Variants in UBR2 observed in about 807,000 individuals in gnomAD.
The protein encoded by UBR2 is ubiquitin protein ligase E3 component n-recognin 2.
Under a neutral mutation model 247.9 loss-of-function variants are expected in UBR2, and 92 were observed. That is an observed-to-expected ratio of 0.37 (90% CI 0.31 to 0.44). The LOEUF (loss-of-function observed/expected upper bound fraction) is 0.44, where lower values mean the gene tolerates loss of function less well. Ranked by LOEUF, UBR2 falls within the 20% of genes least tolerant of loss-of-function variation. The pLI is 1.00. For missense variants in UBR2, 1,613 were observed against 2,112.6 expected (o/e 0.76, Z 4.64); for synonymous variants, 672 against 693.5 (o/e 0.97, Z 0.49).
chr6:42,645,566 A>G lies in UBR2; in HGVS notation c.2385A>G (p.Glu795=), dbSNP rs1260323927. ...GTATCAAGCCTATGGCTCATAGTGAATTGGTAAAGTCTTTACCTGAAGATG... is the reference window on the plus strand; with the variant it reads ...GTATCAAGCCTATGGCTCATAGTGAGTTGGTAAAGTCTTTACCTGAAGATG... The part of the protein sequence containing the change: ...QLSIKPMAHS[E]LVKSLPEDEN... Residue 795 remains glutamate (E), a synonymous_variant, in exon 21 of 47, where the codon GAA becomes GAG. Transcript: ENST00000372901. 1.9e-6 allele frequency: 3 copies of G among 1,613,412 alleles called. No individual in the cohort carries two copies. The highest frequency in any genetic ancestry group is 1.7e-6 in the Non-Finnish European group (2 of 1,179,826).
At chr6:42,650,870 C>T (rs1797071292) in intron 23 of UBR2, among the ~76,000 whole-genome samples, 1 of 152,024 alleles carries the variant, frequency 6.6e-6, no homozygotes, top group Admixed American at 6.6e-5. Flanking sequence ...ATGCACATTT[C>T]AGAATTGGTA....
chr6:42,582,295 A>C (rs1333473479), intron 2 of UBR2, among the ~76,000 whole-genome samples: 3 of 151,836 alleles, frequency 2.0e-5, no homozygotes, highest in Non-Finnish European at 2.9e-5. Context: ...AAAAAAAAAA[A>C]AAAAAAAACA....
intron 4 of UBR2, among the ~76,000 whole-genome samples, chr6:42,601,888 T>TAGAGA (rs1562298369): frequency 1.4e-4 from 13 of 93,226 alleles, no homozygotes; most frequent in South Asian, 1.1e-3. Context: ...TTTTTTTTTT[T>TAGAGA]TGATGGAGTT....
At chr6:42,604,656 CATCAAAGTGAACTT>C (rs1562300992) in intron 5 of UBR2, among the ~76,000 whole-genome samples, 1 of 152,146 alleles carries the variant, frequency 6.6e-6, no homozygotes, top group Non-Finnish European at 1.5e-5. Flanking sequence ...CTCTACACTG[CATCAAAGTGAACTT>C]TAAGGCAAAT....
intron 11 of UBR2, among the ~76,000 whole-genome samples, chr6:42,629,952 A>G (rs1241548336): frequency 6.6e-6 from 1 of 151,974 alleles, no homozygotes; most frequent in African/African-American, 2.4e-5. Context: ...TTTACGAGTC[A>G]AGGCCTTGCT....
At chr6:42,648,604 A>G (rs527366710) in intron 22 of UBR2, among the ~76,000 whole-genome samples, 1 of 152,320 alleles carries the variant, frequency 6.6e-6, no homozygotes, top group East Asian at 1.9e-4. Context: ...TAAAGATATT[A>G]AAGCAGTTTC....
Position 42,573,812 on chromosome 6 carries a change from G to C in UBR2, c.157G>C (p.Gly53Arg). The C allele has an allele frequency of 6.2e-7, 1 of 1,613,350 alleles. No individual in the cohort carries two copies. Among genetic ancestry groups the C allele is most frequent in the South Asian group, 1.1e-5 (1 of 90,966 alleles). Residue 53 changes from glycine to arginine, a missense_variant, in exon 2 of 47, where the codon GGT becomes CGT. By Grantham distance (125) the Gly-to-Arg change is moderately radical (BLOSUM62 -2). Around this residue, in one of 3 missense-constraint regions of UBR2, gnomAD observed 1,524 missense variants for 1,967.3 expected, o/e 0.77. Coordinates refer to ENST00000372901, the MANE Select transcript of UBR2 (RefSeq NM_001363705.2). Reference sequence around the variant, plus strand: ...CTATGTACCCAAAATCTACTGCAGGGGTCCCAACCCTTTTCCACAGAAAGA... The same window carrying C: ...CTATGTACCCAAAATCTACTGCAGGCGTCCCAACCCTTTTCCACAGAAAGA... ...AHYVPKIYCR[G>R]PNPFPQKEDM... is the part of the protein sequence containing the mutation.
intron 11 of UBR2, chr6:42,619,441 A>ATTTTTTTTTTTTTTTTTTT (rs1219290729): frequency 3.8e-5 from 1 of 26,640 alleles, no homozygotes; most frequent in African/African-American, 1.2e-4. Flanking sequence ...ATATATATAT[A>ATTTTTTTTTTTTTTTTTTT]TATATATATA....
intron 8 of UBR2, among the ~76,000 whole-genome samples, chr6:42,613,144 T>C (rs1192419322): frequency 6.6e-6 from 1 of 152,054 alleles, no homozygotes; most frequent in Non-Finnish European, 1.5e-5. Context: ...GTCATTTTTC[T>C]CTTTATGTAA....
At chr6:42,632,069 A>ATATATATATATATATATATATAT (rs1554254887) in intron 11 of UBR2, among the ~76,000 whole-genome samples, 2 of 114,088 alleles carry the variant, frequency 1.8e-5, no homozygotes, top group African/African-American at 6.8e-5. Context: ...AAAAAAAAAA[A>ATATATATATATATATATATATAT]ATATATATAT....
At position 42,676,117 on chromosome 6, in the gene UBR2, G is replaced by A. The variant is rs1798705165; in HGVS notation, c.4313G>A (p.Gly1438Asp). The A allele has an allele frequency of 6.2e-7, 1 of 1,613,564 alleles. No homozygotes were observed. Among genetic ancestry groups the A allele is most frequent in the African/African-American group, 1.3e-5 (1 of 74,862 alleles). ...QCQDFSGISLGTGDLHIFHLV... is the reference protein window; with the variant it reads ...QCQDFSGISLDTGDLHIFHLV... Reference sequence around the variant, plus strand: ...CAGGATTTTTCAGGGATCAGCCTTGGCACTGGAGACCTTCACATTTTCCAT... The same window carrying A: ...CAGGATTTTTCAGGGATCAGCCTTGACACTGGAGACCTTCACATTTTCCAT... Residue 1438 changes from glycine (G) to aspartate (D), a missense_variant, in exon 39 of 47, where the codon GGC becomes GAC. This residue lies in a region of UBR2 where 1,524 missense variants were observed against 1,967.3 expected (regional missense o/e 0.77). Transcript: ENST00000372901.
intron 2 of UBR2, among the ~76,000 whole-genome samples, chr6:42,575,185 G>A (rs541417444): frequency 2.0e-5 from 3 of 151,546 alleles, no homozygotes; most frequent in Non-Finnish European, 4.4e-5. Flanking sequence ...TAGATGTGTT[G>A]TCAGAGACAT....
intron 11 of UBR2, among the ~76,000 whole-genome samples, chr6:42,626,036 G>C (rs1215647255): frequency 6.6e-6 from 1 of 151,496 alleles, no homozygotes; most frequent in Non-Finnish European, 1.5e-5. Flanking sequence ...GGATGGTCTC[G>C]ATCTCCTGAC....
At chr6:42,650,526 G>A in intron 23 of UBR2, 140 bp downstream of exon 23, 2 of 624,462 alleles carry the variant, frequency 3.2e-6, no homozygotes, top group Non-Finnish European at 5.4e-6. Context: ...CAAACTCCTG[G>A]GCTCAAGCAA....
chr6:42,638,696 G>T (rs942569383), intron 15 of UBR2, among the ~76,000 whole-genome samples: 1 of 152,100 alleles, frequency 6.6e-6, no homozygotes, highest in African/African-American at 2.4e-5. Context: ...AGAAAGTGAG[G>T]CATGCGTGTG....
chr6:42,641,772 T>G, intron 17 of UBR2, 80 bp downstream of exon 17: 1 of 1,117,712 alleles, frequency 8.9e-7, no homozygotes, highest in Non-Finnish European at 1.3e-6. Flanking sequence ...GTGGACTTAG[T>G]CAGTGAAAGC....
intron 37 of UBR2, 89 bp downstream of exon 37, chr6:42,673,976 A>T: frequency 7.8e-7 from 1 of 1,285,402 alleles, no homozygotes; most frequent in Non-Finnish European, 1.1e-6. Flanking sequence ...GTAATGAATT[A>T]AATATTTAGT....
intron 44 of UBR2, 141 bp from the exon 45 acceptor site, chr6:42,688,075 A>G (rs770953418): frequency 1.1e-6 from 1 of 878,176 alleles, no homozygotes; most frequent in Non-Finnish European, 1.8e-6. Context: ...GATTCTAGGA[A>G]TAAACTTGCA....
chr6:42,599,416 GA>G (rs1001768372), intron 4 of UBR2, among the ~76,000 whole-genome samples: 17 of 151,758 alleles, frequency 1.1e-4, no homozygotes, highest in African/African-American at 3.9e-4. Context: ...TTAAAGAAAA[GA>G]AAAAAGAGAG....
Sources: allele counts gnomAD v4.1 joint callset (sites outside exome capture counted in the v4.1 genomes callset), GRCh38; gene constraint gnomAD v4.1.1; regional missense constraint gnomAD v4.1.1; transcripts MANE v1.5; gene names NCBI Gene and HGNC (gene_info 2026-07-23, HGNC 2026-07-21).